Variants in TGFBI observed in about 807,000 individuals in gnomAD.
TGFBI encodes the protein transforming growth factor-beta-induced protein ig-h3.
TGFBI carries 50 observed loss-of-function variants against 73.7 expected under a neutral mutation model. The ratio of observed to expected loss-of-function variants is 0.68; its 90% CI spans 0.54 to 0.86. The LOEUF (loss-of-function observed/expected upper bound fraction) is 0.86. Among genes scored for constraint, TGFBI ranks in the 40% least tolerant of loss-of-function variants. The pLI, the probability that TGFBI is intolerant of heterozygous loss-of-function variation, is 0.00. For synonymous variants in TGFBI, 362 were observed against 360.5 expected (o/e 1.00, Z -0.05); for missense variants, 839 against 877.0 (o/e 0.96, Z 0.55).
chr5:136,029,201 C>A lies in TGFBI; in HGVS notation c.134+12C>A. ...GGCCGCCAGCACGGGTAAGCCGAGC[C>A]GCCTGGCCAGGGGCTGCGGAAGGTC... On this transcript the variant is annotated intron_variant, in intron 1 of 16. Coordinates refer to ENST00000442011, the MANE Select transcript of TGFBI (RefSeq NM_000358.3). The A allele has an allele frequency of 6.8e-7, 1 of 1,473,774 alleles. No individual in the cohort carries two copies. Among genetic ancestry groups the A allele is most frequent in the Non-Finnish European group, 8.9e-7 (1 of 1,117,556 alleles). 91.3% of individuals were successfully genotyped at this position (1,473,774 alleles called of 1,614,324 possible). A position where few individuals can be genotyped will look rare whatever the true frequency, so the allele number is the denominator to read the frequency against.
chr5:136,060,413 T>C (rs1751725453), intron 13 of TGFBI, among the ~76,000 whole-genome samples: 1 of 152,184 alleles, frequency 6.6e-6, no homozygotes, highest in Admixed American at 6.5e-5. Context: ...ACTTGGCATA[T>C]GAAAAGTGTT....
chr5:136,037,523 A>G (rs952484246), intron 2 of TGFBI, among the ~76,000 whole-genome samples: 4 of 152,194 alleles, frequency 2.6e-5, no homozygotes, highest in African/African-American at 9.7e-5. Flanking sequence ...AGTTGACATC[A>G]TGGGACTGGA....
intron 6 of TGFBI, 108 bp downstream of exon 6, chr5:136,047,528 G>A: frequency 7.2e-7 from 1 of 1,395,034 alleles, no homozygotes; most frequent in East Asian, 2.3e-5. Flanking sequence ...TCCTGTAGGG[G>A]AACATAGAGC....
chr5:136,040,031 C>T (rs1436732600), intron 2 of TGFBI, among the ~76,000 whole-genome samples: 2 of 152,206 alleles, frequency 1.3e-5, no homozygotes, highest in African/African-American at 2.4e-5. Context: ...AACGACTTCT[C>T]GAGTATAATT....
At chr5:136,045,208 C>T (rs1167938863) in intron 3 of TGFBI, among the ~76,000 whole-genome samples, 2 of 151,962 alleles carry the variant, frequency 1.3e-5, no homozygotes, top group Non-Finnish European at 2.9e-5. Context: ...GAATTCGAGA[C>T]CAGCAGCCCG....
rs576944967 is a variant in TGFBI at position 136,045,670 on chromosome 5, G to A, written c.299-665G>A. ...GAGAGGTTGGTGCGGGTGGGGCCAT[G>A]GAGGTACTGACTCAAGTGGAGGGAC... is the stretch of plus-strand genomic sequence containing the variant. On this transcript the variant is annotated intron_variant, in intron 3 of 16. Coordinates refer to ENST00000442011, the MANE Select transcript of TGFBI (RefSeq NM_000358.3). The A allele has an allele frequency of 9.2e-5, 14 of 152,312 alleles. No homozygotes were observed. In the East Asian group the frequency reaches 2.7e-3, roughly 29 times the overall value. The allele number at this position is 152,312 out of a possible 1,614,324, so 9.4% of individuals were successfully genotyped here. A position where few individuals can be genotyped will look rare whatever the true frequency, so the allele number is the denominator to read the frequency against.
At chr5:136,044,240 C>A in intron 3 of TGFBI, 118 bp downstream of exon 3, 1 of 854,280 alleles carries the variant, frequency 1.2e-6, no homozygotes, top group Non-Finnish European at 1.9e-6. Context: ...AAGGACATGG[C>A]ATTCTCCCCA....
chr5:136,037,527 G>T (rs1751249886), intron 2 of TGFBI, among the ~76,000 whole-genome samples: 2 of 152,206 alleles, frequency 1.3e-5, no homozygotes, highest in South Asian at 4.1e-4. Flanking sequence ...GACATCATGG[G>T]ACTGGAATAG....
chr5:136,033,693 C>G, intron 1 of TGFBI, 70 bp from the exon 2 acceptor site: 1 of 1,334,912 alleles, frequency 7.5e-7, no homozygotes, highest in Non-Finnish European at 1.1e-6. Context: ...AGGAGGCAAA[C>G]ACGATGGGAG....
At chr5:136,051,485 G>A (rs1331903529) in intron 7 of TGFBI, among the ~76,000 whole-genome samples, 1 of 152,046 alleles carries the variant, frequency 6.6e-6, no homozygotes, top group Non-Finnish European at 1.5e-5. Flanking sequence ...ATTATAAACT[G>A]TAAGAAAAAA....
chr5:136,060,286 T>C (rs1045749251), intron 13 of TGFBI, among the ~76,000 whole-genome samples: 3 of 152,210 alleles, frequency 2.0e-5, no homozygotes. Context: ...AAAAAAGCAT[T>C]ATGTAAATTG....
chr5:136,043,968 C>T, intron 2 of TGFBI, 90 bp from the exon 3 acceptor site: 1 of 1,057,908 alleles, frequency 9.5e-7, no homozygotes, highest in South Asian at 1.3e-5. Context: ...TCTTCCTTGG[C>T]TGTGGAGGCA....
chr5:136,052,566 G>A lies in TGFBI; in HGVS notation c.914-341G>A, dbSNP rs138116909. 5.3e-4 allele frequency among the ~76,000 whole-genome samples: 81 copies of A among 152,326 alleles called. No homozygotes were observed. The East Asian group carries it at 0.012, about 22-fold the overall frequency. ...AGCATTTACTCTGTTGTCAGGCCCC[G>A]TGCCGAGTGCTTTAGGTTCAGAATT... On this transcript the variant is annotated intron_variant, in intron 7 of 16. Coordinates refer to ENST00000442011, the MANE Select transcript of TGFBI (RefSeq NM_000358.3).
At chr5:136,055,483 T>C (rs1751613145) in intron 10 of TGFBI, 197 bp from the exon 11 acceptor site, 1 of 465,638 alleles carries the variant, frequency 2.1e-6, no homozygotes, top group South Asian at 9.5e-5. Flanking sequence ...CTCTAACCGT[T>C]CTTTCCTTAA....
At position 136,053,867 on chromosome 5, in the gene TGFBI, T is replaced by G. The variant is rs150845849; in HGVS notation, c.1127-76T>G. ...GAGATGACATTCCTGCTGATGTGTG[T>G]CATGCCCTGGGGTGGATGAATGATA... On this transcript the variant is annotated intron_variant, in intron 8 of 16. Coordinates refer to ENST00000442011, the MANE Select transcript of TGFBI (RefSeq NM_000358.3). The G allele has an allele frequency of 3.8e-6, 6 of 1,592,786 alleles. No homozygotes were observed. In the East Asian group the frequency reaches 1.4e-4, roughly 36 times the overall value.
chr5:136,031,621 G>A (rs1163860173), intron 1 of TGFBI, among the ~76,000 whole-genome samples: 4 of 152,200 alleles, frequency 2.6e-5, no homozygotes. Flanking sequence ...CTATATCTGT[G>A]TTGCTATAGG....
At chr5:136,059,001 C>T in intron 12 of TGFBI, 89 bp from the exon 13 acceptor site, 2 of 1,497,600 alleles carry the variant, frequency 1.3e-6, no homozygotes, top group Non-Finnish European at 9.0e-7. Context: ...TCAGGGGTGA[C>T]CACTTACATC....
intron 2 of TGFBI, among the ~76,000 whole-genome samples, chr5:136,042,928 C>T (rs1751364672): frequency 1.3e-5 from 2 of 152,190 alleles, no homozygotes; most frequent in Admixed American, 6.5e-5. Context: ...CCCTCCAGAG[C>T]CCTAAAGCCT....
intron 16 of TGFBI, 92 bp from the exon 17 acceptor site, chr5:136,063,094 T>C: frequency 3.4e-6 from 4 of 1,188,548 alleles, no homozygotes; most frequent in Non-Finnish European, 5.0e-6. Context: ...AGAAGGAGGC[T>C]GCTTGGCCCT....
Sources: gnomAD v4.1 joint callset for allele counts (sites outside exome capture counted in the v4.1 genomes callset) on GRCh38, gnomAD v4.1.1 for gene constraint, MANE v1.5 for transcripts, NCBI Gene and HGNC (gene_info 2026-07-23, HGNC 2026-07-21) for gene names.